The following DLGAP4 variants were observed in gnomAD, a reference collection of about 807,000 sequenced individuals.
DLGAP4 encodes the protein DLG associated protein 4, also known as disks large-associated protein 4.
DLGAP4 carries 18 observed loss-of-function variants against 86.9 expected under a neutral mutation model. The ratio of observed to expected loss-of-function variants is 0.21; its 90% confidence interval spans 0.14 to 0.31. The LOEUF (loss-of-function observed/expected upper bound fraction) is 0.31, where lower values mean the gene tolerates loss of function less well. Ranked by LOEUF, DLGAP4 falls within the 10% of genes least tolerant of loss-of-function variation. DLGAP4 has a pLI of 1.00. For synonymous variants in DLGAP4, 548 were observed against 574.3 expected, an observed-to-expected ratio of 0.95 and a Z score of 0.65; for missense variants, 1,085 against 1,362.6, an observed-to-expected ratio of 0.80 and a Z score of 3.21.
At chr20:36,357,851 G>C (rs1022072275) in intron 1 of DLGAP4, among the ~76,000 whole-genome samples, 2 of 152,258 alleles carry the variant, frequency 1.3e-5, no homozygotes, top group Non-Finnish European at 2.9e-5. Context: ...GAGGAGACCA[G>C]ATGGCCGGTG....
intron 1 of DLGAP4, among the ~76,000 whole-genome samples, chr20:36,333,790 C>T (rs1275299347): frequency 7.3e-5 from 11 of 150,740 alleles, no homozygotes; most frequent in African/African-American, 2.4e-4. Flanking sequence ...TACCCAGCTT[C>T]GGGCTGTTAC....
intron 7 of DLGAP4, among the ~76,000 whole-genome samples, chr20:36,469,527 C>A (rs967544709): frequency 2.6e-5 from 4 of 151,886 alleles, no homozygotes; most frequent in African/African-American, 9.7e-5. Context: ...CTGAGGCGGG[C>A]GGATCACCTG....
intron 11 of DLGAP4, among the ~76,000 whole-genome samples, chr20:36,524,930 A>AT (rs1458199111): frequency 8.6e-5 from 13 of 150,772 alleles, no homozygotes; most frequent in Admixed American, 2.6e-4. Flanking sequence ...ATACATATAT[A>AT]TTTTTTGGCC....
intron 2 of DLGAP4, among the ~76,000 whole-genome samples, chr20:36,406,851 T>C (rs1192282494): frequency 6.6e-6 from 1 of 151,978 alleles, no homozygotes; most frequent in Non-Finnish European, 1.5e-5. Flanking sequence ...AACCCCCACA[T>C]TGCGCAGACA....
chr20:36,465,114 TG>T (rs762485504), intron 7 of DLGAP4, among the ~76,000 whole-genome samples: 7 of 152,226 alleles, frequency 4.6e-5, no homozygotes, highest in African/African-American at 1.7e-4. Flanking sequence ...CAAAAACATC[TG>T]GGTGACTTTT....
intron 2 of DLGAP4, among the ~76,000 whole-genome samples, chr20:36,424,120 G>A (rs1449588892): frequency 2.0e-5 from 3 of 152,176 alleles, no homozygotes; most frequent in Non-Finnish European, 4.4e-5. Flanking sequence ...ACAGACTCAG[G>A]TTTGCATGAG....
chr20:36,342,813 G>T lies in DLGAP4; in HGVS notation c.-303-24232G>T, dbSNP rs1555892623. Among the ~76,000 whole-genome samples the T allele has an allele frequency of 2.0e-5, 3 of 152,182 alleles. No homozygotes were observed. The South Asian group carries it at 6.2e-4, about 31-fold the overall frequency. On this transcript the variant is annotated intron_variant, in intron 1 of 12. Transcript: ENST00000339266. ...CAGAACTAGTGTCCAGTACTGGGAG[G>T]TACCTTATAGACTTCAGGGTAGCCA...
intron 7 of DLGAP4, among the ~76,000 whole-genome samples, chr20:36,453,886 T>TCGTG (rs2033806570): frequency 7.3e-6 from 1 of 137,366 alleles, no homozygotes; most frequent in African/African-American, 2.8e-5. Context: ...TGAGCCGGGA[T>TCGTG]CGTGCCATTG....
At chr20:36,323,674 G>T (rs1447249874) in intron 1 of DLGAP4, among the ~76,000 whole-genome samples, 5 of 152,176 alleles carry the variant, frequency 3.3e-5, no homozygotes, top group Middle Eastern at 3.2e-3. Context: ...GTGCCTTACA[G>T]CAGGGATCCC....
chr20:36,307,703 C>T (rs1294834027), intron 1 of DLGAP4, among the ~76,000 whole-genome samples: 2 of 152,122 alleles, frequency 1.3e-5, no homozygotes, highest in Admixed American at 6.5e-5. Context: ...AGTTCCAGCC[C>T]CCGGGGGACT....
intron 10 of DLGAP4, among the ~76,000 whole-genome samples, chr20:36,522,676 G>A (rs142309136): frequency 2.4e-4 from 37 of 152,226 alleles, no homozygotes; most frequent in Admixed American, 5.2e-4. Context: ...GGGCCACCAC[G>A]CCTGGCTAAT....
intron 1 of DLGAP4, among the ~76,000 whole-genome samples, chr20:36,365,805 C>A (rs2147411194): frequency 6.6e-6 from 1 of 152,348 alleles, no homozygotes; most frequent in Non-Finnish European, 1.5e-5. Flanking sequence ...CGACCAGCGA[C>A]TGTCCCTTTC....
chr20:36,322,390 G>C (rs1410872254), intron 1 of DLGAP4, among the ~76,000 whole-genome samples: 1 of 152,174 alleles, frequency 6.6e-6, no homozygotes, highest in Non-Finnish European at 1.5e-5. Flanking sequence ...ATTTACATAA[G>C]AGCGTGGGTT....
In DLGAP4 at chr20:36,431,677, C is replaced by T. The variant is rs770121936; in HGVS notation, c.-41C>T. ...TGCCGCCCGGGAGAGGTGACCCGGGCGCCCTGCTAGGGTGAAGGCCCCTGC... is the reference window on the plus strand; with the variant it reads ...TGCCGCCCGGGAGAGGTGACCCGGGTGCCCTGCTAGGGTGAAGGCCCCTGC... On this transcript the variant is annotated 5_prime_UTR_variant, in exon 3 of 13. Coordinates refer to ENST00000339266, the MANE Select transcript of DLGAP4 (RefSeq NM_001365621.2). The surrounding 1 kb of genome is among the most constrained non-coding windows in gnomAD (Gnocchi z 5.1). 23 of 1,523,610 alleles carry T rather than the reference C, an allele frequency of 1.5e-5. No homozygotes were observed. Among genetic ancestry groups the T allele is most frequent in the Middle Eastern group, 1.8e-4 (1 of 5,576 alleles). 94.4% of individuals were successfully genotyped at this position (1,523,610 alleles called of 1,614,324 possible).
intron 6 of DLGAP4, among the ~76,000 whole-genome samples, chr20:36,444,202 G>A (rs1388367727): frequency 6.6e-6 from 1 of 152,198 alleles, no homozygotes. Context: ...TATCAGTACT[G>A]TACAGTAGAA....
intron 8 of DLGAP4, chr20:36,499,181 T>G: frequency 6.8e-7 from 1 of 1,473,716 alleles, no homozygotes; most frequent in Non-Finnish European, 9.4e-7. Flanking sequence ...TTTGTGTGTG[T>G]GTGTGTGTTT....
chr20:36,382,885 T>C (rs1490218487), intron 2 of DLGAP4, among the ~76,000 whole-genome samples: 2 of 152,150 alleles, frequency 1.3e-5, no homozygotes, highest in African/African-American at 4.8e-5. Context: ...TGTCTACCCC[T>C]CAATATCTTG....
At chr20:36,384,621 G>C (rs1300802146) in intron 2 of DLGAP4, among the ~76,000 whole-genome samples, 1 of 152,166 alleles carries the variant, frequency 6.6e-6, no homozygotes, top group Non-Finnish European at 1.5e-5. Flanking sequence ...CAAACTAATG[G>C]GTGGGACAGG....
chr20:36,416,968 C>T (rs940707516), intron 2 of DLGAP4, among the ~76,000 whole-genome samples: 4 of 152,200 alleles, frequency 2.6e-5, no homozygotes, highest in Admixed American at 6.5e-5. Flanking sequence ...GCCAACTCTA[C>T]GCTTAGCACC....
Sources: allele counts gnomAD v4.1 joint callset (sites outside exome capture counted in the v4.1 genomes callset), GRCh38; gene constraint gnomAD v4.1.1; non-coding constraint Gnocchi (gnomAD v3.1); transcripts MANE v1.5; gene names NCBI Gene and HGNC (gene_info 2026-07-23, HGNC 2026-07-21).